Variants in IL6ST observed in about 807,000 individuals in gnomAD.
IL6ST encodes interleukin 6 cytokine family signal transducer.
IL6ST carries 24 observed loss-of-function variants against 91.3 expected under a neutral mutation model. The ratio of observed to expected loss-of-function variants is 0.26; its 90% CI spans 0.19 to 0.37. IL6ST has a LOEUF of 0.37. Ranked by LOEUF, IL6ST falls within the 10% of genes least tolerant of loss-of-function variation. IL6ST has a pLI of 1.00. For missense variants in IL6ST, 914 were observed against 1,078.5 expected, an observed-to-expected ratio of 0.85 and a Z score of 2.14; for synonymous variants, 351 against 373.6, an observed-to-expected ratio of 0.94 and a Z score of 0.70.
chr5:55,992,905 C>T (rs1028033712), intron 1 of IL6ST, among the ~76,000 whole-genome samples: 2 of 152,142 alleles, frequency 1.3e-5, no homozygotes, highest in African/African-American at 4.8e-5. Flanking sequence ...ATAAGTTTGT[C>T]AATCCAATTA....
rs1750517153 is a variant in IL6ST at position 55,936,266 on chromosome 5, A to G, written c.*4816T>C. 2 of 225,436 alleles carry G rather than the reference A, an allele frequency of 8.9e-6. No homozygotes were observed. The highest frequency in any genetic ancestry group is 6.4e-5 in the East Asian group (1 of 15,742). 14.0% of individuals were successfully genotyped at this position (225,436 alleles called of 1,614,324 possible). A position where few individuals can be genotyped will look rare whatever the true frequency, so the allele number is the denominator to read the frequency against. On this transcript the variant is annotated 3_prime_UTR_variant, in exon 17 of 17. Transcript: ENST00000381298. ...CTGCAACAAGGATGGAGACTCCAGC[A>G]GAGTGCAGGGTGGGCACAGACAGGC... is the stretch of plus-strand genomic sequence containing the variant.
rs1199170528 is a variant in IL6ST, at chr5:55,936,278, G to C, written c.*4804C>G. The C allele has an allele frequency of 4.4e-6, 1 of 227,354 alleles. No homozygotes were observed. The allele number at this position is 227,354 out of a possible 1,614,324, so 14.1% of individuals were successfully genotyped here. ...TGGAGACTCCAGCAGAGTGCAGGGTGGGCACAGACAGGCCACAAGATGGCG... is the reference window on the plus strand; with the variant it reads ...TGGAGACTCCAGCAGAGTGCAGGGTCGGCACAGACAGGCCACAAGATGGCG... On this transcript the variant is annotated 3_prime_UTR_variant, in exon 17 of 17. Coordinates refer to ENST00000381298, the MANE Select transcript of IL6ST (RefSeq NM_002184.4).
At position 55,941,670 on chromosome 5, in the gene IL6ST, T is replaced by TC; in HGVS notation, c.2168dup (p.His724ThrfsTer15). The TC allele has an allele frequency of 6.2e-7, 1 of 1,614,142 alleles. No homozygotes were observed. The highest frequency in any genetic ancestry group is 8.5e-7 in the Non-Finnish European group (1 of 1,180,020). On this transcript the variant is annotated frameshift_variant, in exon 17 of 17. Coordinates refer to ENST00000381298, the MANE Select transcript of IL6ST (RefSeq NM_002184.4). LOFTEE classifies it high-confidence loss of function. ...AAGACCCCCCAATACCACTGCTGTG[T>TC]CCTTCAGTATTAATTTTTTCCTTTT...
At chr5:55,942,861 T>C in intron 15 of IL6ST, 110 bp from the exon 16 acceptor site, 2 of 586,172 alleles carry the variant, frequency 3.4e-6, no homozygotes, top group East Asian at 2.9e-5. Flanking sequence ...ACCAATTACC[T>C]AAATGAACAA....
intron 3 of IL6ST, among the ~76,000 whole-genome samples, chr5:55,973,809 T>A (rs1358103189): frequency 6.6e-6 from 1 of 152,166 alleles, no homozygotes; most frequent in Non-Finnish European, 1.5e-5. Context: ...AACATTTTAA[T>A]CAACAACTTG....
At chr5:55,989,472 A>C (rs1754190959) in intron 1 of IL6ST, among the ~76,000 whole-genome samples, 1 of 152,214 alleles carries the variant, frequency 6.6e-6, no homozygotes, top group Non-Finnish European at 1.5e-5. Context: ...CTAAATGCAA[A>C]AGCAAAATTA....
At position 55,956,117 on chromosome 5, in the gene IL6ST, G is replaced by C. The variant is rs776461265; in HGVS notation, c.1175C>G (p.Thr392Arg). The change falls in exon 10 of 17, where the codon ACA becomes AGA. Residue 392 changes from threonine (T) to arginine (R), a missense_variant. Physicochemically the swap from Thr to Arg is moderately conservative, Grantham distance 71 (BLOSUM62 -1). Transcript: ENST00000381298. ...VNATKLTVNL[T>R]NDRYLATLTV... Reference sequence around the variant, plus strand: ...TAGGGTTGCTAGATAGCGATCATTTGTGAGATTTACTGTCAGTTTTGTGGC... The same window carrying C: ...TAGGGTTGCTAGATAGCGATCATTTCTGAGATTTACTGTCAGTTTTGTGGC... 2 of 1,612,550 alleles carry C rather than the reference G, an allele frequency of 1.2e-6. No individual in the cohort carries two copies. The highest frequency in any genetic ancestry group is 1.3e-5 in the African/African-American group (1 of 75,000).
At chr5:55,983,101 G>A (rs1014176017) in intron 1 of IL6ST, among the ~76,000 whole-genome samples, 1 of 151,744 alleles carries the variant, frequency 6.6e-6, no homozygotes, top group African/African-American at 2.4e-5. Context: ...CCAGGCTCAG[G>A]TAATTCTCCC....
At position 55,963,377 on chromosome 5, in the gene IL6ST, G is replaced by A. The variant is rs775162909; in HGVS notation, c.788C>T (p.Thr263Ile). The A allele has an allele frequency of 2.5e-6, 4 of 1,594,002 alleles. No individual in the cohort carries two copies. Among genetic ancestry groups the A allele is most frequent in the East Asian group, 2.3e-5 (1 of 44,256 alleles). ...IILKYNIQYR[T>I]KDASTWSQIP... is the part of the protein sequence containing the mutation. ...CTGGCTCCAAGTTGAGGCATCTTTG[G>A]TCCTATATTGAATGTTATATTTTAG... Residue 263 changes from threonine to isoleucine, a missense_variant, in exon 7 of 17, where the codon ACC becomes ATC. Physicochemically the swap from Thr to Ile is moderately conservative, Grantham distance 89. Transcript: ENST00000381298.
Position 55,969,619 on chromosome 5 carries a change from G to A in IL6ST, c.301C>T (p.Leu101Phe), listed in dbSNP as rs1351550242. The A allele has an allele frequency of 4.3e-6, 7 of 1,612,734 alleles. No individual in the cohort carries two copies. Among genetic ancestry groups the A allele is most frequent in the African/African-American group, 4.0e-5 (3 of 74,882 alleles). The change falls in exon 4 of 17, where the codon CTC (leucine) becomes TTC (phenylalanine). Residue 101 changes from leucine to phenylalanine, a missense_variant. Leu to Phe is a conservative substitution (Grantham distance 22). Coordinates refer to ENST00000381298, the MANE Select transcript of IL6ST (RefSeq NM_002184.4). ...CCGAATGTAAGAATGTTGCAAGTGA[G>A]CTGAATATTTAATGAAGCTATATCT... is the stretch of plus-strand genomic sequence containing the variant. Reference protein sequence around the residue: ...FTDIASLNIQLTCNILTFGQL... With the variant: ...FTDIASLNIQFTCNILTFGQL...
intron 1 of IL6ST, among the ~76,000 whole-genome samples, chr5:55,986,808 T>C (rs541134651): frequency 6.6e-6 from 1 of 152,306 alleles, no homozygotes; most frequent in South Asian, 2.1e-4. Context: ...GCATAGTATA[T>C]AATAGTATAC....
intron 15 of IL6ST, among the ~76,000 whole-genome samples, chr5:55,943,595 T>C (rs1166998968): frequency 6.6e-6 from 1 of 152,166 alleles, no homozygotes; most frequent in Non-Finnish European, 1.5e-5. Context: ...AAAGATGTTA[T>C]ATGAAAAATC....
chr5:55,973,513 C>T (rs546982004), intron 3 of IL6ST, among the ~76,000 whole-genome samples: 11 of 152,296 alleles, frequency 7.2e-5, no homozygotes, highest in South Asian at 4.1e-4. Context: ...AAAGAGGCCA[C>T]GTATGGTGTT....
intron 1 of IL6ST, among the ~76,000 whole-genome samples, chr5:55,985,087 T>C (rs1182320916): frequency 6.6e-6 from 1 of 152,248 alleles, no homozygotes; most frequent in Admixed American, 6.5e-5. Context: ...AAAATGGATT[T>C]ACGCATTATT....
chr5:55,975,230 T>TC (rs1233330847), intron 3 of IL6ST, among the ~76,000 whole-genome samples: 3 of 151,992 alleles, frequency 2.0e-5, no homozygotes, highest in Non-Finnish European at 2.9e-5. Flanking sequence ...ATCATAGGGG[T>TC]GGATTTCTCA....
At chr5:55,955,718 T>C (rs1751911460) in intron 10 of IL6ST, among the ~76,000 whole-genome samples, 1 of 152,174 alleles carries the variant, frequency 6.6e-6, no homozygotes, top group Non-Finnish European at 1.5e-5. Flanking sequence ...TGCTGACTGA[T>C]TCCTAAAAAT....
chr5:55,948,034 A>C (rs1216794124), intron 14 of IL6ST, among the ~76,000 whole-genome samples: 1 of 152,242 alleles, frequency 6.6e-6, no homozygotes, highest in Non-Finnish European at 1.5e-5. Context: ...TAAAAACATA[A>C]TTGAACTACA....
intron 11 of IL6ST, 121 bp downstream of exon 11, chr5:55,954,689 G>A (rs1237917394): frequency 1.5e-6 from 1 of 649,634 alleles, no homozygotes; most frequent in African/African-American, 1.8e-5. Flanking sequence ...CATCTAGTAA[G>A]TAGTGAGGCT....
At chr5:55,976,431 G>A (rs1475222214) in intron 2 of IL6ST, 138 bp from the exon 3 acceptor site, 5 of 433,714 alleles carry the variant, frequency 1.2e-5, no homozygotes, top group East Asian at 1.1e-4. Context: ...GAAAACTTAA[G>A]TCTTCACATT....
Sources: allele counts gnomAD v4.1 joint callset (sites outside exome capture counted in the v4.1 genomes callset), GRCh38; gene constraint gnomAD v4.1.1; transcripts MANE v1.5; gene names NCBI Gene and HGNC (gene_info 2026-07-23, HGNC 2026-07-21).